The following NRP1 variants were observed in gnomAD, a reference collection of about 807,000 sequenced individuals.
NRP1 encodes the protein neuropilin 1.
In NRP1, 35 loss-of-function variants were observed where a neutral mutation model predicts 106.7. The observed-to-expected ratio is 0.33, with a 90% CI of 0.25 to 0.43. NRP1 has a LOEUF of 0.43. NRP1 is among the 20% of genes least tolerant of loss of function. The probability of loss-of-function intolerance (pLI) is 1.00; values close to 1 mark genes in which losing one functional copy is unlikely to be tolerated. For missense variants in NRP1, 1,024 were observed against 1,170.4 expected, an observed-to-expected ratio of 0.87 and a Z score of 1.83; for synonymous variants, 437 against 417.9, an observed-to-expected ratio of 1.05 and a Z score of -0.56.
Position 33,226,242 on chromosome 10 carries a change from G to C in NRP1, c.1029C>G (p.Gly343=). Residue 343 remains glycine, a synonymous_variant, in exon 7 of 17, where the codon GGC becomes GGG. Coordinates refer to ENST00000374867, the MANE Select transcript of NRP1 (RefSeq NM_003873.7). The part of the protein sequence containing the change: ...LRFVTAVGTQ[G]AISKETKKKY... Reference sequence around the variant, plus strand: ...TCTTCTTGGTTTCTTTTGAAATGGCGCCCTGTGTCCCGACAGCCGTGACAA... The same window carrying C: ...TCTTCTTGGTTTCTTTTGAAATGGCCCCCTGTGTCCCGACAGCCGTGACAA... 1 of 1,614,048 alleles carries C rather than the reference G, an allele frequency of 6.2e-7. No individual in the cohort carries two copies. The highest frequency in any genetic ancestry group is 8.5e-7 in the Non-Finnish European group (1 of 1,180,014).
intron 2 of NRP1, among the ~76,000 whole-genome samples, chr10:33,289,930 T>C (rs984989213): frequency 3.3e-5 from 5 of 152,228 alleles, no homozygotes; most frequent in African/African-American, 9.6e-5. Context: ...TGTTCCTTCA[T>C]TTGAATTTCA....
At chr10:33,225,444 GT>G (rs1839584589) in intron 7 of NRP1, among the ~76,000 whole-genome samples, 1 of 152,222 alleles carries the variant, frequency 6.6e-6, no homozygotes, top group African/African-American at 2.4e-5. Flanking sequence ...GAGATGGTGA[GT>G]ATGAATTCTC....
intron 5 of NRP1, among the ~76,000 whole-genome samples, chr10:33,255,828 G>A (rs1564427827): frequency 6.6e-6 from 1 of 152,100 alleles, no homozygotes; most frequent in South Asian, 2.1e-4. Flanking sequence ...AGGAAGGGTT[G>A]AGTTAGCTGA....
At chr10:33,275,874 C>T (rs1185562996) in intron 2 of NRP1, among the ~76,000 whole-genome samples, 4 of 151,974 alleles carry the variant, frequency 2.6e-5, no homozygotes, top group Admixed American at 6.6e-5. Context: ...TGTGTTACTG[C>T]ACTCCAGCCT....
rs1842723353 is a variant in NRP1, at chr10:33,263,627, T to C, written c.658+19A>G. ...CCTCCAGAACCTTCCCTTTTTGGGG[T>C]GCTTCCTGTCATTCTTACCATCAGG... On this transcript the variant is annotated intron_variant, in intron 4 of 16. Transcript: ENST00000374867. 6.3e-7 allele frequency: 1 copy of C among 1,587,596 alleles called. No homozygotes were observed. The highest frequency in any genetic ancestry group is 8.6e-7 in the Non-Finnish European group (1 of 1,156,550).
chr10:33,243,955 G>GTT (rs1841222960), intron 6 of NRP1, among the ~76,000 whole-genome samples: 1 of 151,842 alleles, frequency 6.6e-6, no homozygotes, highest in African/African-American at 2.4e-5. Context: ...GTGTGTGTGT[G>GTT]TGTGTGTGTG....
chr10:33,233,258 A>C (rs1840297817), intron 6 of NRP1, among the ~76,000 whole-genome samples: 1 of 151,864 alleles, frequency 6.6e-6, no homozygotes, highest in African/African-American at 2.4e-5. Flanking sequence ...GCGAACTCCC[A>C]CCTCCCCACG....
chr10:33,188,937 A>ATG (rs1554774601), intron 13 of NRP1, among the ~76,000 whole-genome samples: 1 of 143,188 alleles, frequency 7.0e-6, no homozygotes, highest in Non-Finnish European at 1.5e-5. Flanking sequence ...ATATATATAT[A>ATG]AATTAAAACT....
chr10:33,185,769 A>T lies in NRP1; in HGVS notation c.2335-45T>A. 2.0e-6 allele frequency: 3 copies of T among 1,491,112 alleles called. No individual in the cohort carries two copies. The Admixed American group carries it at 5.0e-5, about 25-fold the overall frequency. 92.4% of individuals were successfully genotyped at this position (1,491,112 alleles called of 1,614,324 possible). A position where few individuals can be genotyped will look rare whatever the true frequency, so the allele number is the denominator to read the frequency against. On this transcript the variant is annotated intron_variant, in intron 14 of 16. Coordinates refer to ENST00000374867, the MANE Select transcript of NRP1 (RefSeq NM_003873.7). ...TTCACAGTATTGAAATGCTCATCTC[A>T]CATGGCAGTGTTTACAAATGCTTGT...
intron 5 of NRP1, among the ~76,000 whole-genome samples, chr10:33,254,830 G>C (rs944425581): frequency 6.6e-6 from 1 of 152,202 alleles, no homozygotes; most frequent in Non-Finnish European, 1.5e-5. Flanking sequence ...CACAGTTTTA[G>C]AGCATAAAAT....
At chr10:33,257,611 C>T (rs866863295) in intron 4 of NRP1, among the ~76,000 whole-genome samples, 4 of 150,662 alleles carry the variant, frequency 2.7e-5, no homozygotes, top group Non-Finnish European at 4.4e-5. Flanking sequence ...GATGACGGAG[C>T]GAGACTCTGT....
At chr10:33,213,184 C>A in intron 9 of NRP1, 1 of 1,397,980 alleles carries the variant, frequency 7.2e-7, no homozygotes, top group Non-Finnish European at 9.7e-7. Flanking sequence ...CAATGCAATT[C>A]TTTTGCATGT....
chr10:33,254,895 T>A (rs1000335711), intron 5 of NRP1, among the ~76,000 whole-genome samples: 2 of 152,144 alleles, frequency 1.3e-5, no homozygotes, highest in South Asian at 4.2e-4. Flanking sequence ...AAGAAGCACA[T>A]TAGGTGGACA....
At chr10:33,263,584 A>G in intron 4 of NRP1, 62 bp downstream of exon 4, 2 of 1,267,062 alleles carry the variant, frequency 1.6e-6, no homozygotes, top group Non-Finnish European at 2.3e-6. Context: ...AGACTTGTAA[A>G]AGAATACTGG....
chr10:33,221,808 G>A lies in NRP1; in HGVS notation c.1193C>T (p.Pro398Leu), dbSNP rs1427139883. ...TDVVVAVFPK[P>L]LITRFVRIKP... ...GATTCGGACAAATCGAGTTATCAGT[G>A]GTTTGGGGAATACTGCAACCACAAC... Residue 398 changes from proline (P) to leucine (L), a missense_variant, in exon 8 of 17, where the codon CCA (proline) becomes CTA (leucine). This residue lies in a region of NRP1 where 562 missense variants were observed against 620.3 expected (regional missense o/e 0.91). Coordinates refer to ENST00000374867, the MANE Select transcript of NRP1 (RefSeq NM_003873.7). 6.2e-7 allele frequency: 1 copy of A among 1,614,068 alleles called. No homozygotes were observed.
chr10:33,201,384 G>A (rs991463554), intron 11 of NRP1: 4 of 152,142 alleles, frequency 2.6e-5, no homozygotes, highest in Non-Finnish European at 5.9e-5. Context: ...TTCCACAAGA[G>A]GGCAATTGAA....
Position 33,213,586 on chromosome 10 carries a change from C to T in NRP1, c.1414G>A (p.Ala472Thr). ...IRLVTSRSGW[A>T]LPPAPHSYIN... ...TAGGAATGAGGTGCGGGTGGAAGTG[C>T]CCAGCCAGAGCGACTGGTTACCAGG... Residue 472 changes from alanine to threonine, a missense_variant, in exon 9 of 17, where the codon GCA (alanine) becomes ACA (threonine). This residue lies in a region of NRP1 where 562 missense variants were observed against 620.3 expected (regional missense o/e 0.91). Transcript: ENST00000374867. 1 of 1,614,038 alleles carries T rather than the reference C, an allele frequency of 6.2e-7. No homozygotes were observed. Among genetic ancestry groups the T allele is most frequent in the Non-Finnish European group, 8.5e-7 (1 of 1,180,024 alleles).
chr10:33,282,892 C>T (rs1307776614), intron 2 of NRP1, among the ~76,000 whole-genome samples: 1 of 152,064 alleles, frequency 6.6e-6, no homozygotes, highest in African/African-American at 2.4e-5. Flanking sequence ...ACCACAGGTG[C>T]CCACCACCAC....
intron 4 of NRP1, among the ~76,000 whole-genome samples, chr10:33,262,699 G>T (rs111313976): frequency 3.3e-5 from 3 of 90,684 alleles, no homozygotes; most frequent in Non-Finnish European, 4.0e-5. Flanking sequence ...GCAAAACTCT[G>T]TCTCAAAAAA....
Sources: gnomAD v4.1 joint callset for allele counts (sites outside exome capture counted in the v4.1 genomes callset) on GRCh38, gnomAD v4.1.1 for gene constraint, gnomAD v4.1.1 regional missense constraint, MANE v1.5 for transcripts, NCBI Gene and HGNC (gene_info 2026-07-23, HGNC 2026-07-21) for gene names.